Variants in WWOX observed in about 807,000 individuals in gnomAD.
WWOX encodes the protein WW domain-containing oxidoreductase.
Under a neutral mutation model 46.2 loss-of-function variants are expected in WWOX, and 69 were observed. That is an observed-to-expected ratio of 1.49 (90% CI 1.23 to 1.82). The LOEUF (loss-of-function observed/expected upper bound fraction) is 1.82, where lower values mean the gene tolerates loss of function less well. Among genes scored for constraint, WWOX ranks in the 40% most tolerant of loss-of-function variants. The pLI, the probability that WWOX is intolerant of heterozygous loss-of-function variation, is 0.00. For synonymous variants in WWOX, 359 were observed against 202.6 expected (o/e 1.77, Z -6.56); for missense variants, 919 against 542.6 (o/e 1.69, Z -6.89).
rs147894341 is a variant in WWOX, at chr16:78,818,402, C to G, written c.1056+385650C>G. Among the ~76,000 whole-genome samples the G allele has an allele frequency of 5.9e-3, 901 of 152,328 alleles. 2 individuals are homozygous for G. Among genetic ancestry groups the G allele is most frequent in the Non-Finnish European group, 0.01 (690 of 68,034 alleles). On this transcript the variant is annotated intron_variant, in intron 8 of 8. Transcript: ENST00000566780. ...TTCTACCACCTTCATTGACTCAGGC[C>G]TTGAAGTGCAGTAGAAAGCCCTAGG...
chr16:78,366,876 G>C (rs1000211719), intron 5 of WWOX, among the ~76,000 whole-genome samples: 2 of 148,622 alleles, frequency 1.3e-5, no homozygotes, highest in East Asian at 4.1e-4. Flanking sequence ...ACGTGACTCA[G>C]TTTTCAAACT....
intron 8 of WWOX, among the ~76,000 whole-genome samples, chr16:79,135,889 T>C (rs1257266077): frequency 6.6e-6 from 1 of 152,224 alleles, no homozygotes; most frequent in Non-Finnish European, 1.5e-5. Context: ...ATATTCTCGG[T>C]CCAGCTTTCT....
intron 5 of WWOX, among the ~76,000 whole-genome samples, chr16:78,310,884 T>C (rs1290348833): frequency 2.0e-5 from 3 of 152,096 alleles, no homozygotes; most frequent in South Asian, 2.1e-4. Context: ...CCTTCGAGGG[T>C]AGGGGCACCC....
At chr16:79,029,687 T>C (rs970912657) in intron 8 of WWOX, among the ~76,000 whole-genome samples, 7 of 152,230 alleles carry the variant, frequency 4.6e-5, no homozygotes, top group African/African-American at 1.4e-4. Context: ...CTTTAGGCAT[T>C]GATGCGCTTA....
chr16:78,352,503 G>A (rs1053050882), intron 5 of WWOX, among the ~76,000 whole-genome samples: 2 of 152,038 alleles, frequency 1.3e-5, no homozygotes, highest in African/African-American at 4.8e-5. Flanking sequence ...TCAAAGCCAG[G>A]GATGGCTGCT....
At position 78,464,795 on chromosome 16, in the gene WWOX, C is replaced by G. The variant is rs368390260; in HGVS notation, c.1056+32043C>G. Among the ~76,000 whole-genome samples, 4 of 152,070 alleles carry G rather than the reference C, an allele frequency of 2.6e-5. No individual in the cohort carries two copies. In the East Asian group the frequency reaches 5.8e-4, roughly 22 times the overall value. ...GGCCACTGCAACTCTCTGTTCTGAC[C>G]TGGGGGGAAATGTTAGACCCTCAAT... On this transcript the variant is annotated intron_variant, in intron 8 of 8. Coordinates refer to ENST00000566780, the MANE Select transcript of WWOX (RefSeq NM_016373.4).
chr16:78,427,839 G>A (rs2083122696), intron 7 of WWOX, among the ~76,000 whole-genome samples: 2 of 152,054 alleles, frequency 1.3e-5, no homozygotes, highest in Admixed American at 6.6e-5. Flanking sequence ...AGTGTCTCAC[G>A]CCTGTAATCC....
chr16:78,806,707 A>G (rs187107141), intron 8 of WWOX, among the ~76,000 whole-genome samples: 1 of 152,244 alleles, frequency 6.6e-6, no homozygotes, highest in East Asian at 1.9e-4. Context: ...TAGAAGTTAC[A>G]TAGCCCTAGG....
chr16:78,751,760 A>C (rs2049486214), intron 8 of WWOX, among the ~76,000 whole-genome samples: 1 of 151,190 alleles, frequency 6.6e-6, no homozygotes, highest in African/African-American at 2.4e-5. Context: ...GGAAGGAAGG[A>C]GGAAGGGAAG....
intron 6 of WWOX, among the ~76,000 whole-genome samples, chr16:78,418,515 T>C (rs1384091483): frequency 2.0e-5 from 3 of 152,154 alleles, no homozygotes; most frequent in Non-Finnish European, 2.9e-5. Flanking sequence ...AAGGAAACTT[T>C]AGGTCACTTT....
intron 8 of WWOX, among the ~76,000 whole-genome samples, chr16:79,136,774 C>T (rs918987995): frequency 6.6e-6 from 1 of 152,144 alleles, no homozygotes; most frequent in African/African-American, 2.4e-5. Context: ...TCCCTTGAAG[C>T]CAACAAAATT....
intron 5 of WWOX, among the ~76,000 whole-genome samples, chr16:78,333,291 C>T (rs552467617): frequency 8.2e-5 from 11 of 133,706 alleles, no homozygotes; most frequent in South Asian, 5.0e-4. Context: ...TCAGGTGATC[C>T]GCCTGCCTTG....
chr16:79,107,198 C>T (rs2049328257), intron 8 of WWOX, among the ~76,000 whole-genome samples: 1 of 151,998 alleles, frequency 6.6e-6, no homozygotes, highest in Non-Finnish European at 1.5e-5. Context: ...TTCTCCGCCT[C>T]CCAAAGTGCT....
At chr16:78,709,243 T>C (rs1357398664) in intron 8 of WWOX, among the ~76,000 whole-genome samples, 1 of 152,202 alleles carries the variant, frequency 6.6e-6, no homozygotes, top group African/African-American at 2.4e-5. Flanking sequence ...ACAATGCTTT[T>C]ATCCCGTAAT....
chr16:78,638,317 T>C (rs1473667949), intron 8 of WWOX, among the ~76,000 whole-genome samples: 1 of 152,198 alleles, frequency 6.6e-6, no homozygotes, highest in Non-Finnish European at 1.5e-5. Context: ...CCCAGGAGTC[T>C]GTGTTTGTTC....
chr16:78,388,866 G>A (rs2082116800), intron 6 of WWOX, among the ~76,000 whole-genome samples: 1 of 151,914 alleles, frequency 6.6e-6, no homozygotes, highest in Non-Finnish European at 1.5e-5. Flanking sequence ...CTACTTGGGA[G>A]GCTGAGGCAG....
intron 8 of WWOX, among the ~76,000 whole-genome samples, chr16:78,737,598 T>C (rs1185835312): frequency 6.6e-6 from 1 of 152,124 alleles, no homozygotes; most frequent in Non-Finnish European, 1.5e-5. Context: ...CCCACCCTTC[T>C]CCCTGAGTTC....
chr16:78,715,841 G>T (rs1408728459), intron 8 of WWOX, among the ~76,000 whole-genome samples: 2 of 152,114 alleles, frequency 1.3e-5, no homozygotes, highest in Non-Finnish European at 2.9e-5. Context: ...CCTTCTGCAT[G>T]TGTCTATTTG....
At chr16:79,020,349 C>T (rs1192576189) in intron 8 of WWOX, among the ~76,000 whole-genome samples, 4 of 152,110 alleles carry the variant, frequency 2.6e-5, no homozygotes, top group Non-Finnish European at 5.9e-5. Flanking sequence ...GTCTTAAGTC[C>T]AACCAGTGGT....
Sources: gnomAD v4.1 joint callset for allele counts (sites outside exome capture counted in the v4.1 genomes callset) on GRCh38, gnomAD v4.1.1 for gene constraint, MANE v1.5 for transcripts, NCBI Gene and HGNC (gene_info 2026-07-23, HGNC 2026-07-21) for gene names.